Variants in PHB1 observed in about 807,000 individuals in gnomAD.
PHB1 encodes the protein prohibitin 1, also known as epididymis luminal protein 215.
At chr17:49,409,271 A>C in the PHB1 span, 1 of 1,606,368 alleles carries the variant, frequency 6.2e-7, no homozygotes, top group Non-Finnish European at 8.5e-7. Context: ...GCTTCCTGCC[A>C]CCTGGCACCC....
the PHB1 span, chr17:49,405,129 G>A: frequency 1.2e-6 from 2 of 1,614,006 alleles, no homozygotes; most frequent in Non-Finnish European, 1.7e-6. Flanking sequence ...GCAGTGGCCA[G>A]TGAGTTGGCA....
At chr17:49,409,024 T>C in the PHB1 span, 11 of 1,503,676 alleles carry the variant, frequency 7.3e-6, no homozygotes, top group Non-Finnish European at 1.0e-5. Flanking sequence ...CCCTCCTCGG[T>C]CTCCCGAAGG....
At chr17:49,413,506 T>C in the PHB1 span, among the ~76,000 whole-genome samples, 1 of 149,804 alleles carries the variant, frequency 6.7e-6, no homozygotes, top group African/African-American at 2.5e-5. Flanking sequence ...CAGTTTCTTT[T>C]CTTTCCTTTT....
chr17:49,408,821 C>T, the PHB1 span: 1 of 531,192 alleles, frequency 1.9e-6, no homozygotes, highest in South Asian at 2.7e-5. Flanking sequence ...TGGATACAAC[C>T]AGAGGTCATA....
At chr17:49,407,078 C>G in the PHB1 span, 3 of 552,652 alleles carry the variant, frequency 5.4e-6, no homozygotes, top group South Asian at 6.1e-5. Flanking sequence ...CTGTCACTCT[C>G]AGTACAGTGA....
the PHB1 span, among the ~76,000 whole-genome samples, chr17:49,405,845 C>A: frequency 6.6e-6 from 1 of 152,184 alleles, no homozygotes; most frequent in Non-Finnish European, 1.5e-5. Flanking sequence ...TTTGACTGTT[C>A]CTAGAGCTGC....
At chr17:49,413,710 A>C in the PHB1 span, among the ~76,000 whole-genome samples, 85 of 152,136 alleles carry the variant, frequency 5.6e-4, 1 homozygote, top group African/African-American at 1.9e-3. Flanking sequence ...GGGTCTTGCT[A>C]CGTTGCCCCA....
the PHB1 span, chr17:49,411,838 C>T: frequency 3.7e-6 from 6 of 1,613,376 alleles, no homozygotes; most frequent in Non-Finnish European, 4.2e-6. Context: ...GCCCAGCATC[C>T]ACTAGGAAGA....
chr17:49,409,543 G>GTT, the PHB1 span: 24,800 of 826,392 alleles, frequency 0.03, 56 homozygotes, highest in Middle Eastern at 0.04. Flanking sequence ...TTTTTTTTTT[G>GTT]TTTTTTTTTT....
the PHB1 span, chr17:49,414,822 C>G: frequency 6.6e-6 from 1 of 152,454 alleles, no homozygotes; most frequent in African/African-American, 2.4e-5. Context: ...TTTGCCGCCC[C>G]CTCCATTCTC....
At chr17:49,412,015 T>C in the PHB1 span, 3 of 586,160 alleles carry the variant, frequency 5.1e-6, no homozygotes, top group South Asian at 6.7e-5. Flanking sequence ...AACTAAGCAG[T>C]CACTTCCTGT....
the PHB1 span, chr17:49,414,145 C>T: frequency 6.6e-6 from 1 of 152,170 alleles, no homozygotes. Flanking sequence ...GAAACAGAGG[C>T]ACACAGAGAG....
the PHB1 span, chr17:49,408,995 C>G: frequency 8.2e-7 from 1 of 1,221,050 alleles, no homozygotes; most frequent in Non-Finnish European, 1.2e-6. Flanking sequence ...GGCACCTAAA[C>G]GAGAACTGCA....
At chr17:49,409,571 T>C in the PHB1 span, 4 of 1,020,190 alleles carry the variant, frequency 3.9e-6, no homozygotes, top group Non-Finnish European at 5.7e-6. Flanking sequence ...GACAGGTTTT[T>C]GCTCTTGTTG....
the PHB1 span, among the ~76,000 whole-genome samples, chr17:49,408,115 A>T: frequency 6.6e-6 from 1 of 152,176 alleles, no homozygotes; most frequent in Non-Finnish European, 1.5e-5. Context: ...GTTCAGGTTA[A>T]CGGTAATTAC....
chr17:49,411,894 A>T, the PHB1 span: 2 of 1,544,052 alleles, frequency 1.3e-6, no homozygotes. Context: ...TTTAAACAAA[A>T]GGATCATGTC....
At chr17:49,407,792 T>C in the PHB1 span, among the ~76,000 whole-genome samples, 3 of 152,238 alleles carry the variant, frequency 2.0e-5, no homozygotes, top group Non-Finnish European at 2.9e-5. Context: ...TCCAGAATTT[T>C]TAACCTCCTA....
chr17:49,405,243 G>A, the PHB1 span: 1 of 1,554,432 alleles, frequency 6.4e-7, no homozygotes, highest in East Asian at 2.3e-5. Context: ...CAAACCTCAG[G>A]GCACCGCATG....
the PHB1 span, among the ~76,000 whole-genome samples, chr17:49,407,719 C>G: frequency 6.6e-6 from 1 of 152,202 alleles, no homozygotes; most frequent in East Asian, 1.9e-4. Context: ...CTCTCCCAAC[C>G]TCTGCTTTTT....
Sources: gnomAD v4.1 joint callset for allele counts (sites outside exome capture counted in the v4.1 genomes callset) on GRCh38, gnomAD v4.1.1 for gene constraint, MANE v1.5 for transcripts, NCBI Gene and HGNC (gene_info 2026-07-23, HGNC 2026-07-21) for gene names.